The following BNC2 variants were observed in gnomAD, a reference collection of about 807,000 sequenced individuals.
BNC2 encodes zinc finger protein basonuclin-2.
BNC2 carries 20 observed loss-of-function variants against 76.3 expected under a neutral mutation model. The observed-to-expected ratio is 0.26, with a 90% CI of 0.18 to 0.38. The LOEUF (loss-of-function observed/expected upper bound fraction) is 0.38, where lower values mean the gene tolerates loss of function less well. Ranked by LOEUF, BNC2 falls within the 10% of genes least tolerant of loss-of-function variation. The pLI is 1.00. For synonymous variants in BNC2, 582 were observed against 514.8 expected, an observed-to-expected ratio of 1.13 and a Z score of -1.77; for missense variants, 1,382 against 1,399.8, an observed-to-expected ratio of 0.99 and a Z score of 0.20.
At chr9:16,842,966 G>A (rs1254686159) in intron 1 of BNC2, among the ~76,000 whole-genome samples, 2 of 152,010 alleles carry the variant, frequency 1.3e-5, no homozygotes, top group Admixed American at 6.6e-5. Flanking sequence ...TGGCCAGGCT[G>A]GAGTCAAACT....
intron 5 of BNC2, among the ~76,000 whole-genome samples, chr9:16,543,159 G>A (rs570383239): frequency 1.9e-4 from 29 of 152,242 alleles, no homozygotes; most frequent in African/African-American, 7.0e-4. Flanking sequence ...GGGGGGACTA[G>A]GAGATCATTC....
intron 3 of BNC2, among the ~76,000 whole-genome samples, chr9:16,716,451 T>A (rs1054892265): frequency 6.6e-6 from 1 of 152,144 alleles, no homozygotes; most frequent in African/African-American, 2.4e-5. Context: ...CTTCTTTATA[T>A]CTACTTTTTT....
chr9:16,520,921 C>T (rs189787183), intron 5 of BNC2, among the ~76,000 whole-genome samples: 106 of 152,270 alleles, frequency 7.0e-4, no homozygotes, highest in African/African-American at 2.3e-3. Context: ...AGAATTTCCT[C>T]CAAGAATGAC....
chr9:16,749,680 A>G (rs1341322592), intron 1 of BNC2, among the ~76,000 whole-genome samples: 1 of 146,234 alleles, frequency 6.8e-6, no homozygotes, highest in Non-Finnish European at 1.5e-5. Context: ...AGCCTAGGCA[A>G]GAGAGAGAGA....
intron 5 of BNC2, among the ~76,000 whole-genome samples, chr9:16,513,521 G>A (rs1030831474): frequency 6.6e-6 from 1 of 151,914 alleles, no homozygotes; most frequent in African/African-American, 2.4e-5. Context: ...TAGCCAGGAT[G>A]GTCTCGATTT....
chr9:16,449,549 C>T (rs769045466), intron 5 of BNC2, among the ~76,000 whole-genome samples: 13 of 151,948 alleles, frequency 8.6e-5, no homozygotes, highest in Non-Finnish European at 1.3e-4. Flanking sequence ...ATTGTGTCAC[C>T]GTAAATGAAT....
At chr9:16,797,463 T>C (rs4961497) in intron 1 of BNC2, among the ~76,000 whole-genome samples, 33,346 of 152,086 alleles carry the variant, frequency 0.22, 5,448 homozygotes, top group East Asian at 0.74. Flanking sequence ...AATCTCATTA[T>C]GACTTCACCA....
At chr9:16,828,803 G>A (rs1484234882) in intron 1 of BNC2, among the ~76,000 whole-genome samples, 2 of 152,184 alleles carry the variant, frequency 1.3e-5, no homozygotes, top group Non-Finnish European at 2.9e-5. Flanking sequence ...GAGGAAGATC[G>A]CCATAACAAC....
intron 5 of BNC2, among the ~76,000 whole-genome samples, chr9:16,549,955 G>A (rs1340122193): frequency 6.6e-6 from 1 of 151,646 alleles, no homozygotes; most frequent in Non-Finnish European, 1.5e-5. Context: ...ACTGAATGGA[G>A]AAATATTATA....
intron 3 of BNC2, among the ~76,000 whole-genome samples, chr9:16,584,731 A>G (rs1054048539): frequency 1.3e-5 from 2 of 152,180 alleles, no homozygotes; most frequent in African/African-American, 4.8e-5. Context: ...TTAACTGAGA[A>G]ATATATCAGA....
chr9:16,499,232 C>T (rs908401598), intron 5 of BNC2, among the ~76,000 whole-genome samples: 5 of 152,136 alleles, frequency 3.3e-5, no homozygotes, highest in Non-Finnish European at 7.3e-5. Flanking sequence ...TATTACTATT[C>T]TCATTTAACA....
At chr9:16,680,642 G>T (rs931268832) in intron 3 of BNC2, among the ~76,000 whole-genome samples, 1 of 151,048 alleles carries the variant, frequency 6.6e-6, no homozygotes, top group African/African-American at 2.4e-5. Context: ...AAGTGTAAAA[G>T]GAAAACAGAC....
At chr9:16,626,769 C>T (rs1269009911) in intron 3 of BNC2, among the ~76,000 whole-genome samples, 1 of 152,074 alleles carries the variant, frequency 6.6e-6, no homozygotes, top group Non-Finnish European at 1.5e-5. Flanking sequence ...ACGGTCCCCT[C>T]TGGAAGGAAG....
chr9:16,482,906 G>A (rs1375531250), intron 5 of BNC2, among the ~76,000 whole-genome samples: 1 of 152,168 alleles, frequency 6.6e-6, no homozygotes, highest in Non-Finnish European at 1.5e-5. Context: ...CAGCCCATCA[G>A]TCTACTCATG....
chr9:16,526,055 C>A (rs1465349978), intron 5 of BNC2, among the ~76,000 whole-genome samples: 1 of 151,874 alleles, frequency 6.6e-6, no homozygotes, highest in Non-Finnish European at 1.5e-5. Flanking sequence ...ACAGACATAA[C>A]CTGTCCTGAT....
At chr9:16,522,567 G>T (rs1429239611) in intron 5 of BNC2, among the ~76,000 whole-genome samples, 1 of 152,176 alleles carries the variant, frequency 6.6e-6, no homozygotes, top group Non-Finnish European at 1.5e-5. Flanking sequence ...GGATGGGGGA[G>T]GGTGTGACTG....
At chr9:16,694,336 C>T (rs1823271618) in intron 3 of BNC2, among the ~76,000 whole-genome samples, 1 of 152,210 alleles carries the variant, frequency 6.6e-6, no homozygotes, top group African/African-American at 2.4e-5. Flanking sequence ...ACTCATTGAA[C>T]CACCTACATT....
chr9:16,690,220 G>A (rs1399692622), intron 3 of BNC2, among the ~76,000 whole-genome samples: 1 of 152,158 alleles, frequency 6.6e-6, no homozygotes, highest in Non-Finnish European at 1.5e-5. Flanking sequence ...CAAATTGGAT[G>A]TGGTGGATCA....
intron 5 of BNC2, among the ~76,000 whole-genome samples, chr9:16,544,869 T>C (rs1818430771): frequency 6.6e-6 from 1 of 151,608 alleles, no homozygotes; most frequent in Non-Finnish European, 1.5e-5. Flanking sequence ...AAAATACACA[T>C]CTTCACAATG....
Sources: allele counts gnomAD v4.1 joint callset (sites outside exome capture counted in the v4.1 genomes callset), GRCh38; gene constraint gnomAD v4.1.1; transcripts MANE v1.5; gene names NCBI Gene and HGNC (gene_info 2026-07-23, HGNC 2026-07-21).